NUDT13: variants seen among roughly 807,000 people sequenced by gnomAD.
The protein encoded by NUDT13 is NAD(P)H pyrophosphatase NUDT13, mitochondrial.
Under a neutral mutation model 41.7 loss-of-function variants are expected in NUDT13, and 40 were observed. The ratio of observed to expected loss-of-function variants is 0.96; its 90% CI spans 0.75 to 1.25. The LOEUF (loss-of-function observed/expected upper bound fraction) is 1.25. Ranked by LOEUF, NUDT13 falls within the 50% of genes most tolerant of loss-of-function variation. The pLI is 0.00. For synonymous variants in NUDT13, 145 were observed against 155.5 expected (o/e 0.93, Z 0.50); for missense variants, 390 against 416.1 (o/e 0.94, Z 0.55).
At chr10:73,125,337 G>A (rs1842744114) in intron 6 of NUDT13, 61 bp from the exon 7 acceptor site, 1 of 1,608,388 alleles carries the variant, frequency 6.2e-7, no homozygotes, top group African/African-American at 1.3e-5. Context: ...ATTATACACT[G>A]CTTTAGCTCA....
In NUDT13 at chr10:73,125,510, G is replaced by C; in HGVS notation, c.703+1G>C. The C allele has an allele frequency of 2.5e-6, 4 of 1,577,348 alleles. No individual in the cohort carries two copies. Among genetic ancestry groups the C allele is most frequent in the Non-Finnish European group, 2.6e-6 (3 of 1,158,960 alleles). On this transcript the variant is annotated splice_donor_variant, in intron 7 of 8. Transcript: ENST00000357321. LOFTEE classifies it high-confidence loss of function. Reference sequence around the variant, plus strand: ...GCCTTGGCAGGTTTTTGTGATATAGGTGAGGAGTTTAGGGGATATACAGGT... The same window carrying C: ...GCCTTGGCAGGTTTTTGTGATATAGCTGAGGAGTTTAGGGGATATACAGGT...
At chr10:73,112,811 T>G (rs571642596) in intron 1 of NUDT13, among the ~76,000 whole-genome samples, 13 of 152,086 alleles carry the variant, frequency 8.5e-5, no homozygotes, top group Non-Finnish European at 1.5e-4. Context: ...TTTTGTTTAC[T>G]TAATAATGTG....
intron 4 of NUDT13, among the ~76,000 whole-genome samples, chr10:73,123,507 T>C (rs1842696959): frequency 6.6e-6 from 1 of 152,162 alleles, no homozygotes; most frequent in Non-Finnish European, 1.5e-5. Context: ...TCTTGAGAAA[T>C]ACTATGTGCT....
At chr10:73,110,863 A>T (rs781234569) in intron 1 of NUDT13, among the ~76,000 whole-genome samples, 3 of 152,046 alleles carry the variant, frequency 2.0e-5, no homozygotes, top group Non-Finnish European at 4.4e-5. Context: ...AAGGAGGGAA[A>T]ATTATTTTTT....
At position 73,112,428 on chromosome 10, in the gene NUDT13, T is replaced by A. The variant is rs866088728; in HGVS notation, c.-10+1861T>A. Among the ~76,000 whole-genome samples the A allele has an allele frequency of 1.2e-4, 18 of 151,834 alleles. 1 individual carries two copies. Among genetic ancestry groups the A allele is most frequent in the Admixed American group, 2.0e-4 (3 of 15,248 alleles). ...ATTGGTATGTCTGTGTCCTTTTTTT[T>A]ATAAATAATTAGGTCATGTTAACCA... On this transcript the variant is annotated intron_variant, in intron 1 of 8. Coordinates refer to ENST00000357321, the MANE Select transcript of NUDT13 (RefSeq NM_015901.6).
intron 1 of NUDT13, among the ~76,000 whole-genome samples, chr10:73,111,286 G>C (rs1000384922): frequency 6.6e-5 from 10 of 152,042 alleles, no homozygotes; most frequent in Admixed American, 6.6e-4. Flanking sequence ...CCTAAAAAAA[G>C]GTCTCTTAAA....
At position 73,130,202 on chromosome 10, in the gene NUDT13, C is replaced by T. The variant is rs1210661858; in HGVS notation, c.859-501C>T. 4.6e-5 allele frequency: 7 copies of T among 151,624 alleles called. No individual in the cohort carries two copies. The East Asian group carries it at 9.7e-4, about 21-fold the overall frequency. The allele number at this position is 151,624 out of a possible 1,614,324, so 9.4% of individuals were successfully genotyped here. A position where few individuals can be genotyped will look rare whatever the true frequency, so the allele number is the denominator to read the frequency against. ...ACTCGGCCGGGCACAGTGGCTCACA[C>T]CTGTAATCCCAGCACTTTGGGGGGC... On this transcript the variant is annotated intron_variant, in intron 8 of 8. Coordinates refer to ENST00000357321, the MANE Select transcript of NUDT13 (RefSeq NM_015901.6).
intron 7 of NUDT13, 168 bp downstream of exon 7, chr10:73,125,677 A>AT (rs1491142220): frequency 4.8e-5 from 8 of 167,242 alleles, no homozygotes; most frequent in Non-Finnish European, 7.3e-5. Context: ...ATATATATAT[A>AT]AAATTTTTTC....
chr10:73,119,913 A>T (rs1842601492), intron 2 of NUDT13, 105 bp from the exon 3 acceptor site: 3 of 1,194,078 alleles, frequency 2.5e-6, no homozygotes, highest in Non-Finnish European at 3.6e-6. Flanking sequence ...ATAAAGGGAA[A>T]TAACCATGGT....
At chr10:73,124,883 T>C (rs1842732517) in intron 5 of NUDT13, 1 of 435,732 alleles carries the variant, frequency 2.3e-6, no homozygotes. Flanking sequence ...CTTCATATGT[T>C]TTAAATAATA....
chr10:73,124,094 C>A, intron 4 of NUDT13, 120 bp from the exon 5 acceptor site: 1 of 675,264 alleles, frequency 1.5e-6, no homozygotes, highest in Admixed American at 2.3e-5. Flanking sequence ...ACGCCCCCCA[C>A]ACCTAGCTGA....
intron 2 of NUDT13, among the ~76,000 whole-genome samples, chr10:73,117,703 C>T (rs1029114828): frequency 1.3e-5 from 2 of 151,972 alleles, no homozygotes; most frequent in African/African-American, 2.4e-5. Flanking sequence ...TAATAGTAAT[C>T]GCTTAGAGAA....
Position 73,120,075 on chromosome 10 carries a change from A to T in NUDT13, c.141A>T (p.Gly47=), listed in dbSNP as rs758168069. 1 of 1,614,116 alleles carries T rather than the reference A, an allele frequency of 6.2e-7. No individual in the cohort carries two copies. The highest frequency in any genetic ancestry group is 1.1e-5 in the South Asian group (1 of 91,090). ...DDACKKAQQT[G]AFYLFHSLAP... ...CATGTAAAAAAGCCCAGCAAACAGG[A>T]GCGTTTTACCTCTTTCATAGTCTGG... Residue 47 remains glycine (G), a synonymous_variant, in exon 3 of 9, where the codon GGA becomes GGT. Coordinates refer to ENST00000357321, the MANE Select transcript of NUDT13 (RefSeq NM_015901.6).
At chr10:73,122,032 C>A in intron 3 of NUDT13, 143 bp from the exon 4 acceptor site, 2 of 857,064 alleles carry the variant, frequency 2.3e-6, no homozygotes, top group Non-Finnish European at 3.6e-6. Flanking sequence ...ACCAAGGTTA[C>A]ATAGCTAATT....
intron 4 of NUDT13, among the ~76,000 whole-genome samples, 183 bp from the exon 5 acceptor site, chr10:73,124,031 G>A (rs1293489151): frequency 6.6e-6 from 1 of 150,710 alleles, no homozygotes; most frequent in East Asian, 1.9e-4. Context: ...ACTCCTAATG[G>A]CCTCAAGCCA....
At chr10:73,124,111 C>A (rs751858946) in intron 4 of NUDT13, 103 bp from the exon 5 acceptor site, 3 of 756,980 alleles carry the variant, frequency 4.0e-6, no homozygotes, top group South Asian at 1.6e-5. Flanking sequence ...CTGAATCTTA[C>A]GAGGCAAGTT....
intron 7 of NUDT13, 85 bp from the exon 8 acceptor site, chr10:73,126,588 A>AGTGTTGT: frequency 7.0e-7 from 1 of 1,433,226 alleles, no homozygotes; most frequent in East Asian, 2.3e-5. Flanking sequence ...CTTTGGAGCC[A>AGTGTTGT]GTGTTGTGCA....
chr10:73,125,388 C>A lies in NUDT13; in HGVS notation c.592-10C>A. On this transcript the variant is annotated splice_polypyrimidine_tract_variant and intron_variant, in intron 6 of 8. Transcript: ENST00000357321. ...GTGCCAGCATCTCAGTTTCCATTCC[C>A]CTTTCCTAGATGGCTCCTGTGGCGA... 1 of 1,613,442 alleles carries A rather than the reference C, an allele frequency of 6.2e-7. No homozygotes were observed. The highest frequency in any genetic ancestry group is 8.5e-7 in the Non-Finnish European group (1 of 1,179,558).
Position 73,131,732 on chromosome 10 carries a change from T to C in NUDT13, c.*829T>C, listed in dbSNP as rs1487997453. The C allele has an allele frequency of 6.6e-6, 1 of 152,234 alleles. No individual in the cohort carries two copies. Among genetic ancestry groups the C allele is most frequent in the African/African-American group, 2.4e-5 (1 of 41,464 alleles). The allele number at this position is 152,234 out of a possible 1,614,324, so 9.4% of individuals were successfully genotyped here. A position where few individuals can be genotyped will look rare whatever the true frequency, so the allele number is the denominator to read the frequency against. On this transcript the variant is annotated 3_prime_UTR_variant, in exon 9 of 9. Transcript: ENST00000357321. ...AACCTGACCTATTTCTTAAACTTTA[T>C]GGAATAAACTAAATTTAGGATTTCT...
Sources: allele counts gnomAD v4.1 joint callset (sites outside exome capture counted in the v4.1 genomes callset), GRCh38; gene constraint gnomAD v4.1.1; transcripts MANE v1.5; gene names NCBI Gene and HGNC (gene_info 2026-07-23, HGNC 2026-07-21).